Variants in CADM2 observed in about 807,000 individuals in gnomAD.
CADM2 encodes the protein cell adhesion molecule 2, also known as immunoglobulin superfamily member 4D.
In CADM2, 12 loss-of-function variants were observed where a neutral mutation model predicts 49.8. The ratio of observed to expected loss-of-function variants is 0.24; its 90% CI spans 0.15 to 0.39. CADM2 has a LOEUF of 0.39. Among genes scored for constraint, CADM2 ranks in the 10% least tolerant of loss-of-function variants. The pLI, the probability that CADM2 is intolerant of heterozygous loss-of-function variation, is 1.00. For missense variants in CADM2, 378 were observed against 492.3 expected (o/e 0.77, Z 2.20); for synonymous variants, 214 against 175.4 (o/e 1.22, Z -1.74).
chr3:85,883,511 A>T (rs773025981), intron 4 of CADM2, 68 bp downstream of exon 4: 9 of 1,284,340 alleles, frequency 7.0e-6, no homozygotes, highest in Non-Finnish European at 8.5e-6. Flanking sequence ...CAGCAACATA[A>T]TTCAATACAA....
At chr3:85,284,593 A>C (rs570404011) in intron 1 of CADM2, among the ~76,000 whole-genome samples, 1 of 152,250 alleles carries the variant, frequency 6.6e-6, no homozygotes, top group East Asian at 1.9e-4. Flanking sequence ...TAGATTGCTA[A>C]GGGAGGAACA....
chr3:84,962,560 A>T (rs777789095), intron 1 of CADM2, among the ~76,000 whole-genome samples: 1 of 152,164 alleles, frequency 6.6e-6, no homozygotes, highest in Non-Finnish European at 1.5e-5. Context: ...CATAGATTAA[A>T]TACTTAGCGG....
intron 1 of CADM2, among the ~76,000 whole-genome samples, chr3:85,207,009 A>C (rs1177741569): frequency 6.6e-6 from 1 of 151,532 alleles, no homozygotes; most frequent in Admixed American, 6.6e-5. Flanking sequence ...ACATTACAGG[A>C]GGAGCCTACT....
At chr3:85,954,344 T>C (rs1723791442) in intron 7 of CADM2, among the ~76,000 whole-genome samples, 1 of 151,046 alleles carries the variant, frequency 6.6e-6, no homozygotes, top group Non-Finnish European at 1.5e-5. Flanking sequence ...AGTGTAGTTT[T>C]AAAATTTGTA....
Position 85,897,241 on chromosome 3 carries a change from CTTTTTTTTTTTTTTTTTTTTTTT to C in CADM2, c.529+10931_529+10953del, listed in dbSNP as rs752550127. On this transcript the variant is annotated intron_variant, in intron 5 of 9. Transcript: ENST00000383699. ...CAACAATAATTGCTTTAACCTACATCTTTTTTTTTTTTTTTTTTTTTTTTTTTTTTTTTTTTTTTGAGACGGAG... is the reference window on the plus strand; with the variant it reads ...CAACAATAATTGCTTTAACCTACATCTTTTTTTTTTTTTTTTGAGACGGAG... 2.3e-3 allele frequency among the ~76,000 whole-genome samples: 106 copies of C among 45,930 alleles called. 2 individuals carry two copies. Among genetic ancestry groups the C allele is most frequent in the African/African-American group, 6.7e-3 (100 of 14,952 alleles). The allele number at this position is 45,930 out of a possible 152,430, so 30.1% of individuals were successfully genotyped here. A position where few individuals can be genotyped will look rare whatever the true frequency, so the allele number is the denominator to read the frequency against.
chr3:85,198,105 A>G (rs534201907), intron 1 of CADM2, among the ~76,000 whole-genome samples: 4 of 152,010 alleles, frequency 2.6e-5, no homozygotes, highest in South Asian at 2.1e-4. Flanking sequence ...AAATATTAGT[A>G]TAGTGTCTTT....
rs575456211 is a variant in CADM2 at position 85,080,220 on chromosome 3, A to G, written c.61+120552A>G. Reference sequence around the variant, plus strand: ...GACCAATCTTTACAACATTACATATAGATAGGAAGCTGGCTACCTTTAGAA... The same window carrying G: ...GACCAATCTTTACAACATTACATATGGATAGGAAGCTGGCTACCTTTAGAA... On this transcript the variant is annotated intron_variant, in intron 1 of 9. Transcript: ENST00000383699. 2.6e-5 allele frequency among the ~76,000 whole-genome samples: 4 copies of G among 152,140 alleles called. No homozygotes were observed. The South Asian group carries it at 8.3e-4, about 32-fold the overall frequency.
At chr3:85,271,828 T>C (rs951352938) in intron 1 of CADM2, among the ~76,000 whole-genome samples, 2 of 151,416 alleles carry the variant, frequency 1.3e-5, no homozygotes, top group African/African-American at 4.8e-5. Flanking sequence ...TGTCTTTTGA[T>C]TATCCCATAA....
intron 1 of CADM2, among the ~76,000 whole-genome samples, chr3:85,579,669 A>G (rs911685498): frequency 1.3e-5 from 2 of 152,178 alleles, no homozygotes; most frequent in Non-Finnish European, 2.9e-5. Context: ...GGTAATATTA[A>G]TAATATAAAA....
chr3:85,818,012 G>A (rs1251578414), intron 3 of CADM2, among the ~76,000 whole-genome samples: 3 of 152,070 alleles, frequency 2.0e-5, no homozygotes, highest in African/African-American at 7.2e-5. Context: ...GTCTTAAGCA[G>A]TTTCTATCTA....
intron 3 of CADM2, among the ~76,000 whole-genome samples, chr3:85,843,090 G>T (rs1013237201): frequency 6.6e-6 from 1 of 152,066 alleles, no homozygotes; most frequent in Non-Finnish European, 1.5e-5. Flanking sequence ...GTTTAGCATT[G>T]TCATGGCTTT....
At chr3:85,793,676 C>T (rs1365248604) in intron 2 of CADM2, among the ~76,000 whole-genome samples, 2 of 152,146 alleles carry the variant, frequency 1.3e-5, no homozygotes, top group Non-Finnish European at 2.9e-5. Flanking sequence ...TGTGAGCCAA[C>T]TCCAGCACAT....
chr3:85,721,505 G>T lies in CADM2; in HGVS notation c.62-5017G>T, dbSNP rs570376917. Among the ~76,000 whole-genome samples, 4 of 152,268 alleles carry T rather than the reference G, an allele frequency of 2.6e-5. No individual in the cohort carries two copies. In the East Asian group the frequency reaches 7.7e-4, roughly 29 times the overall value. On this transcript the variant is annotated intron_variant, in intron 1 of 9. Transcript: ENST00000383699. ...CCAAGGGCGAGTGAGGTGTGGAATGGTGAGGGGTGTATGTGTGAGATGGGG... is the reference window on the plus strand; with the variant it reads ...CCAAGGGCGAGTGAGGTGTGGAATGTTGAGGGGTGTATGTGTGAGATGGGG...
chr3:85,745,262 T>A (rs1364544951), intron 2 of CADM2, among the ~76,000 whole-genome samples: 4 of 152,172 alleles, frequency 2.6e-5, no homozygotes, highest in Non-Finnish European at 5.9e-5. Flanking sequence ...ATTGAAGTTG[T>A]TAAAAATAAA....
intron 1 of CADM2, among the ~76,000 whole-genome samples, chr3:84,997,327 CCTCT>C (rs2107200397): frequency 6.6e-6 from 1 of 152,130 alleles, no homozygotes; most frequent in Non-Finnish European, 1.5e-5. Flanking sequence ...AGAACATAAA[CCTCT>C]CTAATTATGT....
At chr3:85,349,665 C>G (rs1037263404) in intron 1 of CADM2, among the ~76,000 whole-genome samples, 1 of 152,126 alleles carries the variant, frequency 6.6e-6, no homozygotes, top group Non-Finnish European at 1.5e-5. Flanking sequence ...AAGACTTACT[C>G]TGCAGATATC....
intron 1 of CADM2, among the ~76,000 whole-genome samples, chr3:85,035,365 G>T (rs765091634): frequency 6.6e-6 from 1 of 151,864 alleles, no homozygotes; most frequent in Non-Finnish European, 1.5e-5. Context: ...CTCCCATTCC[G>T]CTGGCTGTCT....
intron 2 of CADM2, among the ~76,000 whole-genome samples, chr3:85,755,365 T>C (rs755897471): frequency 1.3e-5 from 2 of 152,098 alleles, no homozygotes; most frequent in African/African-American, 2.4e-5. Flanking sequence ...TGCTTTAAAA[T>C]GGTATGTGGG....
intron 1 of CADM2, among the ~76,000 whole-genome samples, chr3:85,345,169 G>A (rs917463373): frequency 1.1e-4 from 17 of 151,700 alleles, no homozygotes; most frequent in Admixed American, 1.1e-3. Flanking sequence ...ACAAAAGTTA[G>A]CTGAGCATGG....
Sources: gnomAD v4.1 joint callset for allele counts (sites outside exome capture counted in the v4.1 genomes callset) on GRCh38, gnomAD v4.1.1 for gene constraint, MANE v1.5 for transcripts, NCBI Gene and HGNC (gene_info 2026-07-23, HGNC 2026-07-21) for gene names.